Variants in PHF14 observed in about 807,000 individuals in gnomAD.
PHF14 encodes the protein PHD finger protein 14.
Under a neutral mutation model 117.9 loss-of-function variants are expected in PHF14, and 55 were observed. The ratio of observed to expected loss-of-function variants is 0.47; its 90% CI spans 0.38 to 0.58. PHF14 has a LOEUF of 0.58. Ranked by LOEUF, PHF14 falls within the 20% of genes least tolerant of loss-of-function variation. The pLI is 0.00. For missense variants in PHF14, 978 were observed against 1,122.2 expected (o/e 0.87, Z 1.84); for synonymous variants, 409 against 368.6 (o/e 1.11, Z -1.26).
At chr7:11,006,041 C>G (rs1173642207) in intron 4 of PHF14, among the ~76,000 whole-genome samples, 2 of 151,992 alleles carry the variant, frequency 1.3e-5, no homozygotes, top group Non-Finnish European at 2.9e-5. Flanking sequence ...ATCTGCCCAC[C>G]TCGGCCTCCC....
chr7:11,008,009 T>G (rs1783187046), intron 4 of PHF14, among the ~76,000 whole-genome samples: 4 of 152,188 alleles, frequency 2.6e-5, no homozygotes, highest in Non-Finnish European at 5.9e-5. Context: ...CTTCTAATAT[T>G]AGGGTACCTC....
chr7:11,038,671 TTATATA>T (rs141703492), intron 10 of PHF14, 83 bp from the exon 11 acceptor site: 3 of 335,560 alleles, frequency 8.9e-6, no homozygotes, highest in African/African-American at 2.2e-5. Context: ...AAAAAAAAAA[TTATATA>T]TATATATGTG....
intron 17 of PHF14, among the ~76,000 whole-genome samples, chr7:11,134,236 AAAAGACCTTAAAATCT>A (rs1788159075): frequency 1.3e-5 from 2 of 152,022 alleles, no homozygotes; most frequent in African/African-American, 4.8e-5. Context: ...TTCAATTCAA[AAAAGACCTTAAAATCT>A]AAAGTTTGTG....
intron 17 of PHF14, among the ~76,000 whole-genome samples, chr7:11,144,287 T>TCGAAC (rs1788481283): frequency 1.3e-5 from 2 of 151,968 alleles, no homozygotes; most frequent in African/African-American, 4.8e-5. Context: ...CATGCAGCCA[T>TCGAAC]TATGGAAAAC....
At chr7:11,138,686 A>T (rs1351997703) in intron 17 of PHF14, among the ~76,000 whole-genome samples, 1 of 152,248 alleles carries the variant, frequency 6.6e-6, no homozygotes, top group African/African-American at 2.4e-5. Flanking sequence ...CATTCGTGCA[A>T]GTTCTTTAAA....
chr7:11,057,535 C>T (rs927077919), intron 14 of PHF14, among the ~76,000 whole-genome samples: 43 of 152,080 alleles, frequency 2.8e-4, no homozygotes, highest in African/African-American at 9.6e-4. Context: ...CCACCACGTC[C>T]GGCTGAGTTT....
chr7:11,143,064 T>A (rs1331391587), intron 17 of PHF14, among the ~76,000 whole-genome samples: 3 of 152,172 alleles, frequency 2.0e-5, no homozygotes, highest in Non-Finnish European at 4.4e-5. Context: ...CATTTTAGTT[T>A]TGTCAGAAAT....
chr7:11,027,402 C>CTTA (rs1265933701), intron 6 of PHF14, among the ~76,000 whole-genome samples: 1 of 152,006 alleles, frequency 6.6e-6, no homozygotes, highest in Non-Finnish European at 1.5e-5. Context: ...ACTTTGAATA[C>CTTA]TTATATTAAA....
chr7:11,022,805 T>TTGTTTTGTGTG, intron 5 of PHF14, 63 bp from the exon 6 acceptor site: 1 of 877,322 alleles, frequency 1.1e-6, no homozygotes, highest in Non-Finnish European at 1.7e-6. Context: ...TTTTATATGT[T>TTGTTTTGTGTG]TGTTTTGTGT....
At position 11,061,788 on chromosome 7, in the gene PHF14, CAG is replaced by C; in HGVS notation, c.2483_2484del. Reference sequence around the variant, plus strand: ...TTTTGTTTTTTTTTTTGTTTTTTTCCAGAGAACCAGAGGACGAAAACGAAGCT... The same window carrying C: ...TTTTGTTTTTTTTTTTGTTTTTTTCCAGAACCAGAGGACGAAAACGAAGCT... On this transcript the variant is annotated splice_acceptor_variant, in intron 14 of 17. Transcript: ENST00000634607. LOFTEE classifies it high-confidence loss of function. 1 of 1,480,438 alleles carries C rather than the reference CAG, an allele frequency of 6.8e-7. No homozygotes were observed. Among genetic ancestry groups the C allele is most frequent in the Non-Finnish European group, 8.9e-7 (1 of 1,118,868 alleles). The allele number at this position is 1,480,438 out of a possible 1,614,324, so 91.7% of individuals were successfully genotyped here.
At chr7:11,074,548 A>G (rs1785754913) in intron 16 of PHF14, among the ~76,000 whole-genome samples, 1 of 152,052 alleles carries the variant, frequency 6.6e-6, no homozygotes. Context: ...TTGCTCCTGT[A>G]TCGATTCATA....
intron 17 of PHF14, among the ~76,000 whole-genome samples, chr7:11,126,355 G>T (rs1787928827): frequency 6.6e-6 from 1 of 151,822 alleles, no homozygotes; most frequent in African/African-American, 2.4e-5. Flanking sequence ...ATATTTTTAG[G>T]ATACATTATT....
intron 16 of PHF14, among the ~76,000 whole-genome samples, chr7:11,089,145 C>T (rs1329492846): frequency 6.6e-6 from 1 of 151,222 alleles, no homozygotes; most frequent in Admixed American, 6.6e-5. Context: ...AAATAAAAAC[C>T]TAAGACAAAC....
intron 17 of PHF14, among the ~76,000 whole-genome samples, chr7:11,156,345 A>T (rs897515512): frequency 6.6e-6 from 1 of 152,236 alleles, no homozygotes; most frequent in Non-Finnish European, 1.5e-5. Flanking sequence ...TGAAAAATTA[A>T]TGTGCCATGG....
Position 10,982,606 on chromosome 7 carries a change from A to T in PHF14, c.347A>T (p.Glu116Val). Residue 116 changes from glutamate to valine, a missense_variant, in exon 3 of 18, where the codon GAG (glutamate) becomes GTG (valine). Physicochemically the swap from Glu to Val is moderately radical, Grantham distance 121. Transcript: ENST00000634607. ...GGAGAAAGACCTAGAAAGAAAAAGGAGAAAGAGAAGGAAAAAGAAAAGGAA... is the reference window on the plus strand; with the variant it reads ...GGAGAAAGACCTAGAAAGAAAAAGGTGAAAGAGAAGGAAAAAGAAAAGGAA... The part of the protein sequence containing the change: ...ENGERPRKKK[E>V]KEKEKEKEKE... The T allele has an allele frequency of 6.6e-7, 1 of 1,516,964 alleles. No individual in the cohort carries two copies. Among genetic ancestry groups the T allele is most frequent in the Non-Finnish European group, 8.9e-7 (1 of 1,118,236 alleles). 94.0% of individuals were successfully genotyped at this position (1,516,964 alleles called of 1,614,324 possible). A position where few individuals can be genotyped will look rare whatever the true frequency, so the allele number is the denominator to read the frequency against.
At chr7:11,054,976 A>G (rs1784969268) in intron 14 of PHF14, among the ~76,000 whole-genome samples, 1 of 152,072 alleles carries the variant, frequency 6.6e-6, no homozygotes, top group African/African-American at 2.4e-5. Context: ...TAGGGCAATC[A>G]TGACATACCC....
At chr7:10,992,442 C>T (rs1338864842) in intron 4 of PHF14, among the ~76,000 whole-genome samples, 1 of 151,206 alleles carries the variant, frequency 6.6e-6, no homozygotes. Context: ...GCGGGCGGAT[C>T]ACCTGAGGTC....
chr7:11,020,120 G>A (rs77297315), intron 5 of PHF14, among the ~76,000 whole-genome samples: 1 of 151,816 alleles, frequency 6.6e-6, no homozygotes, highest in East Asian at 1.9e-4. Context: ...ACGGGGCCTG[G>A]CTCTGTTCCC....
At chr7:10,992,377 A>C (rs1317775444) in intron 4 of PHF14, among the ~76,000 whole-genome samples, 6 of 150,502 alleles carry the variant, frequency 4.0e-5, no homozygotes, top group Non-Finnish European at 7.4e-5. Context: ...TGTTAAGAGC[A>C]AAGGGCCGGG....
Sources: allele counts gnomAD v4.1 joint callset (sites outside exome capture counted in the v4.1 genomes callset), GRCh38; gene constraint gnomAD v4.1.1; transcripts MANE v1.5; gene names NCBI Gene and HGNC (gene_info 2026-07-23, HGNC 2026-07-21).